The following DNAH8 variants were observed in gnomAD, a reference collection of about 807,000 sequenced individuals.
DNAH8 encodes the protein axonemal beta dynein heavy chain 8.
In DNAH8, 382 loss-of-function variants were observed where a neutral mutation model predicts 562.1. That is an observed-to-expected ratio of 0.68 (90% CI 0.63 to 0.74). DNAH8 has a LOEUF of 0.74. DNAH8 is among the 30% of genes least tolerant of loss of function. The probability of loss-of-function intolerance (pLI) is 0.00; values close to 1 mark genes in which losing one functional copy is unlikely to be tolerated. For missense variants in DNAH8, 5,203 were observed against 5,620.4 expected (o/e 0.93, Z 2.37); for synonymous variants, 1,881 against 1,919.4 (o/e 0.98, Z 0.52).
chr6:38,873,699 AAAAT>A (rs1443588787), intron 52 of DNAH8, among the ~76,000 whole-genome samples: 5 of 150,268 alleles, frequency 3.3e-5, no homozygotes, highest in African/African-American at 4.9e-5. Flanking sequence ...ATTAAATTTT[AAAAT>A]AAATAAAAAA....
chr6:38,951,929 A>T (rs1163530976), intron 82 of DNAH8, among the ~76,000 whole-genome samples: 2 of 152,356 alleles, frequency 1.3e-5, no homozygotes, highest in African/African-American at 2.4e-5. Flanking sequence ...GTAGTTAGGG[A>T]TTAATTATTT....
chr6:38,897,511 C>G (rs1180754578), intron 60 of DNAH8, among the ~76,000 whole-genome samples: 1 of 152,160 alleles, frequency 6.6e-6, no homozygotes, highest in African/African-American at 2.4e-5. Context: ...TAAAACTTTA[C>G]TTAAACAGCA....
At chr6:38,834,724 A>T in intron 32 of DNAH8, 83 bp downstream of exon 32, 1 of 1,106,868 alleles carries the variant, frequency 9.0e-7, no homozygotes, top group Non-Finnish European at 1.3e-6. Flanking sequence ...TTACTTTTTA[A>T]TAGAAAAGTT....
chr6:38,851,838 C>T (rs1027633629), intron 39 of DNAH8, among the ~76,000 whole-genome samples, 164 bp downstream of exon 39: 2 of 152,166 alleles, frequency 1.3e-5, no homozygotes, highest in African/African-American at 4.8e-5. Flanking sequence ...GCCTGTCATC[C>T]TGATGCAGTC....
At chr6:38,887,571 GT>G (rs1159025676) in intron 57 of DNAH8, among the ~76,000 whole-genome samples, 1 of 152,072 alleles carries the variant, frequency 6.6e-6, no homozygotes, top group Non-Finnish European at 1.5e-5. Context: ...GCTGGGCATG[GT>G]GGCACACGTC....
intron 11 of DNAH8, among the ~76,000 whole-genome samples, chr6:38,767,165 G>A (rs542655334): frequency 7.9e-5 from 12 of 152,008 alleles, no homozygotes; most frequent in Non-Finnish European, 1.8e-4. Flanking sequence ...GGCCAGACGC[G>A]GTGGCTCACG....
At chr6:38,716,395 C>T (rs1346534513) in intron 1 of DNAH8, among the ~76,000 whole-genome samples, 1 of 152,158 alleles carries the variant, frequency 6.6e-6, no homozygotes, top group Non-Finnish European at 1.5e-5. Context: ...CCACTTTTCC[C>T]AAGATAGTTG....
At chr6:38,874,855 G>A (rs1226351015) in intron 52 of DNAH8, among the ~76,000 whole-genome samples, 1 of 152,108 alleles carries the variant, frequency 6.6e-6, no homozygotes, top group African/African-American at 2.4e-5. Context: ...ATATAAGGCC[G>A]AAATCAGTGA....
intron 14 of DNAH8, among the ~76,000 whole-genome samples, chr6:38,778,707 T>C (rs2127635118): frequency 6.6e-6 from 1 of 152,280 alleles, no homozygotes; most frequent in Admixed American, 6.5e-5. Flanking sequence ...ATTTCTCATG[T>C]TTCCCCTCCC....
chr6:38,995,612 C>T (rs183964562), intron 88 of DNAH8, among the ~76,000 whole-genome samples: 1 of 152,296 alleles, frequency 6.6e-6, no homozygotes, highest in East Asian at 1.9e-4. Flanking sequence ...TTTGTTTCAT[C>T]TAGGTTTTCG....
At chr6:38,833,083 A>C (rs994641324) in intron 31 of DNAH8, among the ~76,000 whole-genome samples, 1 of 152,210 alleles carries the variant, frequency 6.6e-6, no homozygotes, top group Non-Finnish European at 1.5e-5. Context: ...ATACTGGGTC[A>C]GTCCCGTATG....
At position 38,915,290 on chromosome 6, in the gene DNAH8, G is replaced by A; in HGVS notation, c.10053G>A (p.Val3351=). The A allele has an allele frequency of 6.2e-7, 1 of 1,610,518 alleles. No individual in the cohort carries two copies. Among genetic ancestry groups the A allele is most frequent in the Non-Finnish European group, 8.5e-7 (1 of 1,178,688 alleles). ...TAAAGGACAAAGCCCAAAAAATTGT[G>A]GATGAAATTGATAGTGAAAAAGTGA... ...QEVKDKAQKI[V]DEIDSEKVKA... is the part of the protein sequence containing the mutation. The change falls in exon 68 of 93, where the codon GTG becomes GTA. Residue 3351 remains valine, a synonymous_variant. Transcript: ENST00000327475.
Position 38,731,402 on chromosome 6 carries a change from T to C in DNAH8, c.610+1416T>C, listed in dbSNP as rs144092471. Among the ~76,000 whole-genome samples the C allele has an allele frequency of 3.1e-3, 476 of 151,836 alleles. 13 individuals are homozygous for C. The highest frequency in any genetic ancestry group is 0.029 in the Admixed American group (441 of 15,272). ...TTTAATTTTGATAATATTGTCTTCTTTATGCCAATAAATACATTTATCCAA... is the reference window on the plus strand; with the variant it reads ...TTTAATTTTGATAATATTGTCTTCTCTATGCCAATAAATACATTTATCCAA... On this transcript the variant is annotated intron_variant, in intron 4 of 92. Transcript: ENST00000327475.
At chr6:38,926,010 T>C in intron 73 of DNAH8, 45 bp from the exon 74 acceptor site, 1 of 1,564,670 alleles carries the variant, frequency 6.4e-7, no homozygotes, top group Non-Finnish European at 8.7e-7. Flanking sequence ...AATGAGGGCA[T>C]TCCTGTTCTC....
rs4714198 is a variant in DNAH8, at chr6:38,909,829, C to A, written c.9740+85C>A. ...ATGCATTGTAACATCCAGCAGAAGACTCTTTCTATTCATTGAGCACGAGCT... is the reference window on the plus strand; with the variant it reads ...ATGCATTGTAACATCCAGCAGAAGAATCTTTCTATTCATTGAGCACGAGCT... On this transcript the variant is annotated intron_variant, in intron 65 of 92. Coordinates refer to ENST00000327475, the MANE Select transcript of DNAH8 (RefSeq NM_001206927.2). 0.44 allele frequency: 481,464 copies of A among 1,085,124 alleles called. 110,991 individuals are homozygous for A. The highest frequency in any genetic ancestry group is 0.69 in the African/African-American group (43,682 of 63,362). The allele number at this position is 1,085,124 out of a possible 1,614,324, so 67.2% of individuals were successfully genotyped here. A position where few individuals can be genotyped will look rare whatever the true frequency, so the allele number is the denominator to read the frequency against.
At chr6:38,870,058 A>G (rs1440574573) in intron 48 of DNAH8, among the ~76,000 whole-genome samples, 1 of 152,214 alleles carries the variant, frequency 6.6e-6, no homozygotes, top group Non-Finnish European at 1.5e-5. Context: ...GAGCATGTGC[A>G]AGGGAACTCC....
At chr6:38,959,823 T>TA (rs1243091788) in intron 82 of DNAH8, among the ~76,000 whole-genome samples, 47 of 147,796 alleles carry the variant, frequency 3.2e-4, no homozygotes, top group South Asian at 8.6e-4. Context: ...TCTTGAGCAT[T>TA]AAAAAAAAAA....
At chr6:38,914,613 G>A (rs1781162845) in intron 67 of DNAH8, among the ~76,000 whole-genome samples, 1 of 151,978 alleles carries the variant, frequency 6.6e-6, no homozygotes, top group South Asian at 2.1e-4. Flanking sequence ...GCCTCCCAAA[G>A]TGCTGGGATT....
At chr6:38,803,065 C>CTT in intron 21 of DNAH8, 114 bp from the exon 22 acceptor site, 2 of 736,078 alleles carry the variant, frequency 2.7e-6, no homozygotes, top group Non-Finnish European at 2.1e-6. Context: ...CTATCTCTAG[C>CTT]TTTTTTTTTC....
Sources: gnomAD v4.1 joint callset for allele counts (sites outside exome capture counted in the v4.1 genomes callset) on GRCh38, gnomAD v4.1.1 for gene constraint, MANE v1.5 for transcripts, NCBI Gene and HGNC (gene_info 2026-07-23, HGNC 2026-07-21) for gene names.